ALKBH8: variants seen among roughly 807,000 people sequenced by gnomAD.
ALKBH8 encodes the protein alkB homolog 8, tRNA methyltransferase, also known as tRNA (carboxymethyluridine(34)-5-O)-methyltransferase ALKBH8.
A neutral mutation model predicts 59.8 loss-of-function variants in ALKBH8; 36 were observed. The observed-to-expected ratio is 0.60, with a 90% CI of 0.46 to 0.79. The LOEUF is 0.79. ALKBH8 is among the 30% of genes least tolerant of loss of function. The pLI is 0.00. For missense variants in ALKBH8, 768 were observed against 801.0 expected, an observed-to-expected ratio of 0.96 and a Z score of 0.50; for synonymous variants, 276 against 273.6, an observed-to-expected ratio of 1.01 and a Z score of -0.09.
In ALKBH8 at chr11:107,517,569, G is replaced by A. The variant is rs576077333; in HGVS notation, c.1287+4730C>T. On this transcript the variant is annotated intron_variant, in intron 10 of 11. Transcript: ENST00000428149. The stretch of plus-strand genomic sequence containing the variant: ...AACATGGTATATATACCCAATGAAT[G>A]CTACTTGGCTATAACAAAGAAGAAA... Among the ~76,000 whole-genome samples, 5 of 152,238 alleles carry A rather than the reference G, an allele frequency of 3.3e-5. No individual in the cohort carries two copies. In the East Asian group the frequency reaches 9.6e-4, roughly 29 times the overall value.
intron 2 of ALKBH8, among the ~76,000 whole-genome samples, chr11:107,559,233 T>C (rs1020917126): frequency 6.6e-6 from 1 of 152,278 alleles, no homozygotes; most frequent in African/African-American, 2.4e-5. Flanking sequence ...CTTTAAAAAA[T>C]TACCCAGTCT....
Position 107,543,603 on chromosome 11 carries a change from G to A in ALKBH8, c.771+6150C>T, listed in dbSNP as rs1008903191. On this transcript the variant is annotated intron_variant, in intron 7 of 11. Transcript: ENST00000428149. The stretch of plus-strand genomic sequence containing the variant: ...ACCAGTAGAGCTATATGCTTAACAA[G>A]TCAAATTGTGTATGTTCCCAAATCA... Among the ~76,000 whole-genome samples, 4 of 152,160 alleles carry A rather than the reference G, an allele frequency of 2.6e-5. No individual in the cohort carries two copies. The East Asian group carries it at 5.8e-4, about 22-fold the overall frequency.
chr11:107,565,327 C>A, intron 1 of ALKBH8: 1 of 552,152 alleles, frequency 1.8e-6, no homozygotes, highest in Non-Finnish European at 3.2e-6. Context: ...ATGTTGCAAC[C>A]GTCCTCTCCA....
intron 7 of ALKBH8, among the ~76,000 whole-genome samples, chr11:107,533,691 A>G (rs888616788): frequency 7.2e-5 from 11 of 152,202 alleles, no homozygotes; most frequent in African/African-American, 2.7e-4. Context: ...TGTATACATA[A>G]AAGATGGACC....
intron 11 of ALKBH8, among the ~76,000 whole-genome samples, chr11:107,509,848 T>C (rs561614946): frequency 1.3e-5 from 2 of 152,318 alleles, no homozygotes; most frequent in East Asian, 3.9e-4. Flanking sequence ...TTGCAAAAAA[T>C]GGATATAGAT....
chr11:107,510,764 G>A, intron 11 of ALKBH8, 123 bp downstream of exon 11: 1 of 1,066,768 alleles, frequency 9.4e-7, no homozygotes, highest in Non-Finnish European at 1.3e-6. Context: ...AGGGAAAACT[G>A]TGACAAGAAA....
chr11:107,542,002 A>G (rs552788299), intron 7 of ALKBH8, among the ~76,000 whole-genome samples: 1 of 152,312 alleles, frequency 6.6e-6, no homozygotes, highest in East Asian at 1.9e-4. Flanking sequence ...GCATATTAAC[A>G]CAGCAAAATA....
At chr11:107,564,272 G>A (rs1865046952) in intron 1 of ALKBH8, among the ~76,000 whole-genome samples, 1 of 151,958 alleles carries the variant, frequency 6.6e-6, no homozygotes, top group African/African-American at 2.4e-5. Context: ...TGCCCTACGT[G>A]GTAATAGTAG....
intron 7 of ALKBH8, among the ~76,000 whole-genome samples, chr11:107,542,420 T>C (rs570472882): frequency 6.6e-5 from 10 of 152,172 alleles, no homozygotes; most frequent in South Asian, 6.2e-4. Context: ...AATTAGTGCA[T>C]GAGGAAGCTT....
chr11:107,550,649 CAGCTACAAATCTAA>C (rs1420301353), intron 6 of ALKBH8, among the ~76,000 whole-genome samples: 1 of 152,212 alleles, frequency 6.6e-6, no homozygotes, highest in Non-Finnish European at 1.5e-5. Context: ...CACAAATCCA[CAGCTACAAATCTAA>C]AGCCATCAGT....
intron 7 of ALKBH8, among the ~76,000 whole-genome samples, chr11:107,548,372 G>C (rs1250871304): frequency 1.3e-5 from 2 of 152,184 alleles, no homozygotes; most frequent in Non-Finnish European, 2.9e-5. Flanking sequence ...TCTGCCATCA[G>C]TTTTCTCAGT....
chr11:107,542,672 G>GCCA (rs899449494), intron 7 of ALKBH8, among the ~76,000 whole-genome samples: 81 of 152,336 alleles, frequency 5.3e-4, no homozygotes, highest in African/African-American at 1.9e-3. Flanking sequence ...ACCTTGGGAT[G>GCCA]CCAAGGTAGG....
chr11:107,551,629 G>A (rs1413883623), intron 6 of ALKBH8, among the ~76,000 whole-genome samples, 179 bp downstream of exon 6: 1 of 151,072 alleles, frequency 6.6e-6, no homozygotes, highest in African/African-American at 2.4e-5. Context: ...AGGAGGCAGA[G>A]GTTGCAGTGA....
intron 2 of ALKBH8, 52 bp from the exon 3 acceptor site, chr11:107,557,055 C>A: frequency 1.6e-6 from 2 of 1,217,938 alleles, no homozygotes; most frequent in South Asian, 2.2e-5. Context: ...CAACTGATAC[C>A]AACCCATTTG....
intron 1 of ALKBH8, among the ~76,000 whole-genome samples, chr11:107,561,639 T>A (rs1864942750): frequency 6.6e-6 from 1 of 152,194 alleles, no homozygotes; most frequent in African/African-American, 2.4e-5. Flanking sequence ...GCACCCAATA[T>A]CATGCTTTAT....
rs183369025 is a variant in ALKBH8 at position 107,528,293 on chromosome 11, G to A, written c.879-2701C>T. Among the ~76,000 whole-genome samples the A allele has an allele frequency of 1.0e-3, 155 of 152,170 alleles. 1 individual carries two copies. The highest frequency in any genetic ancestry group is 1.8e-3 in the Non-Finnish European group (120 of 67,976). On this transcript the variant is annotated intron_variant, in intron 8 of 11. Transcript: ENST00000428149. ...TATTTAATGTCTTTCACATGTTTTGGTGTCAAGGGTAATTAATGCCAGCCT... is the reference window on the plus strand; with the variant it reads ...TATTTAATGTCTTTCACATGTTTTGATGTCAAGGGTAATTAATGCCAGCCT...
intron 5 of ALKBH8, among the ~76,000 whole-genome samples, chr11:107,552,619 A>G (rs1006152333): frequency 6.6e-6 from 1 of 152,204 alleles, no homozygotes; most frequent in African/African-American, 2.4e-5. Flanking sequence ...AAGTAGGTAC[A>G]CATTTGGTGA....
intron 7 of ALKBH8, among the ~76,000 whole-genome samples, chr11:107,537,970 C>G (rs1307646103): frequency 6.6e-6 from 1 of 151,482 alleles, no homozygotes; most frequent in Non-Finnish European, 1.5e-5. Flanking sequence ...AATAAGGAGT[C>G]TATACTTTCA....
chr11:107,521,622 A>G (rs529585113), intron 10 of ALKBH8, among the ~76,000 whole-genome samples: 2 of 152,290 alleles, frequency 1.3e-5, no homozygotes, highest in East Asian at 3.9e-4. Flanking sequence ...ACAATACACT[A>G]AAACAAGAAT....
Sources: gnomAD v4.1 joint callset for allele counts (sites outside exome capture counted in the v4.1 genomes callset) on GRCh38, gnomAD v4.1.1 for gene constraint, MANE v1.5 for transcripts, NCBI Gene and HGNC (gene_info 2026-07-23, HGNC 2026-07-21) for gene names.